The following DYNLL2 variants were observed in gnomAD, a reference collection of about 807,000 sequenced individuals.
DYNLL2 encodes the protein dynein light chain LC8-type 2, also known as dynein light chain 2, cytoplasmic.
DYNLL2 carries 1 observed loss-of-function variant against 9.7 expected under a neutral mutation model. That is an observed-to-expected ratio of 0.10 (90% CI 0.04 to 0.49). The LOEUF is 0.49. Ranked by LOEUF, DYNLL2 falls within the 20% of genes least tolerant of loss-of-function variation. The pLI, the probability that DYNLL2 is intolerant of heterozygous loss-of-function variation, is 0.95. For missense variants in DYNLL2, 37 were observed against 115.2 expected (o/e 0.32, Z 3.11); for synonymous variants, 35 against 40.5 (o/e 0.86, Z 0.52).
At position 58,090,332 on chromosome 17, in the gene DYNLL2, G is replaced by A. The variant is rs1598089304; in HGVS notation, c.*1053G>A. The A allele has an allele frequency of 1.2e-5, 2 of 160,418 alleles. No homozygotes were observed. Among genetic ancestry groups the A allele is most frequent in the East Asian group, 3.5e-4 (2 of 5,730 alleles). The allele number at this position is 160,418 out of a possible 1,614,324, so 9.9% of individuals were successfully genotyped here. ...CTCTAGGGTGTATGGGTAGGTAGGG[G>A]GCACAGTTAGTTCTAAGTGGGCTTT... On this transcript the variant is annotated 3_prime_UTR_variant, in exon 3 of 3. Coordinates refer to ENST00000579991, the MANE Select transcript of DYNLL2 (RefSeq NM_080677.3).
At position 58,091,898 on chromosome 17, in the gene DYNLL2, T is replaced by C. The variant is rs2075781519; in HGVS notation, c.*2619T>C. The C allele has an allele frequency of 6.6e-6, 1 of 152,228 alleles. No homozygotes were observed. Among genetic ancestry groups the C allele is most frequent in the African/African-American group, 2.4e-5 (1 of 41,454 alleles). The allele number at this position is 152,228 out of a possible 1,614,324, so 9.4% of individuals were successfully genotyped here. On this transcript the variant is annotated 3_prime_UTR_variant, in exon 3 of 3. Transcript: ENST00000579991. ...TTTACTCAAAAATATTTAAGAGTTCTTGTATGCTTGGGCCTAGGATGCTGT... is the reference window on the plus strand; with the variant it reads ...TTTACTCAAAAATATTTAAGAGTTCCTGTATGCTTGGGCCTAGGATGCTGT...
chr17:58,090,901 A>G lies in DYNLL2; in HGVS notation c.*1622A>G, dbSNP rs1191774103. 1 of 152,024 alleles carries G rather than the reference A, an allele frequency of 6.6e-6. No homozygotes were observed. The highest frequency in any genetic ancestry group is 6.6e-5 in the Admixed American group (1 of 15,258). The allele number at this position is 152,024 out of a possible 1,614,324, so 9.4% of individuals were successfully genotyped here. On this transcript the variant is annotated 3_prime_UTR_variant, in exon 3 of 3. Coordinates refer to ENST00000579991, the MANE Select transcript of DYNLL2 (RefSeq NM_080677.3). ...CCATTCTTGGGGCTGGTGGGGAGGC[A>G]GGAGAATACCCCTCCCTAAGCCCTT... is the stretch of plus-strand genomic sequence containing the variant.
intron 1 of DYNLL2, among the ~76,000 whole-genome samples, chr17:58,085,136 C>T (rs2075754816): frequency 1.3e-5 from 2 of 152,178 alleles, no homozygotes; most frequent in South Asian, 4.1e-4. Flanking sequence ...TTTTCCTCTC[C>T]AGAATGTGGG....
rs368513542 is a variant in DYNLL2 at position 58,089,303 on chromosome 17, G to A, written c.*24G>A. ...AGGTGGCCATGGTGAAGGTGTCAGT[G>A]GCGGCGGCAGCGATGGCAAGCAGGC... On this transcript the variant is annotated 3_prime_UTR_variant, in exon 3 of 3. Transcript: ENST00000579991. The A allele has an allele frequency of 6.2e-7, 1 of 1,607,580 alleles. No individual in the cohort carries two copies. The highest frequency in any genetic ancestry group is 8.5e-7 in the Non-Finnish European group (1 of 1,176,348).
Position 58,090,196 on chromosome 17 carries a change from A to T in DYNLL2, c.*917A>T. The T allele has an allele frequency of 3.1e-6, 1 of 318,032 alleles. No individual in the cohort carries two copies. 19.7% of individuals were successfully genotyped at this position (318,032 alleles called of 1,614,324 possible). A position where few individuals can be genotyped will look rare whatever the true frequency, so the allele number is the denominator to read the frequency against. ...AGGTCTTAGCAATCAAACCAAATTG[A>T]TGTCTCCCTTGACTCTTCTGTGTAT... On this transcript the variant is annotated 3_prime_UTR_variant, in exon 3 of 3. Coordinates refer to ENST00000579991, the MANE Select transcript of DYNLL2 (RefSeq NM_080677.3).
At chr17:58,089,005 C>A in intron 2 of DYNLL2, 137 bp from the exon 3 acceptor site, 1 of 1,042,888 alleles carries the variant, frequency 9.6e-7, no homozygotes, top group Non-Finnish European at 1.4e-6. Context: ...GTTCGGGGAG[C>A]TGAGGCTGAG....
intron 2 of DYNLL2, among the ~76,000 whole-genome samples, chr17:58,088,869 G>T (rs934126218): frequency 6.6e-6 from 1 of 152,104 alleles, no homozygotes; most frequent in Non-Finnish European, 1.5e-5. Flanking sequence ...TAGCTAGAGG[G>T]AGGAGAGATG....
rs1221024983 is a variant in DYNLL2, at chr17:58,095,260, C to G, written c.*5981C>G. The G allele has an allele frequency of 6.6e-6, 1 of 152,060 alleles. No homozygotes were observed. The highest frequency in any genetic ancestry group is 3.2e-3 in the Middle Eastern group (1 of 316). The allele number at this position is 152,060 out of a possible 1,614,324, so 9.4% of individuals were successfully genotyped here. On this transcript the variant is annotated 3_prime_UTR_variant, in exon 3 of 3. Transcript: ENST00000579991. ...TCTGCCATTCCAGTGTGAGAGCAGCCATAGATAATATGTAAACAAATGAGC... is the reference window on the plus strand; with the variant it reads ...TCTGCCATTCCAGTGTGAGAGCAGCGATAGATAATATGTAAACAAATGAGC...
chr17:58,085,021 T>G (rs760751795), intron 1 of DYNLL2, among the ~76,000 whole-genome samples: 20 of 152,250 alleles, frequency 1.3e-4, no homozygotes, highest in Non-Finnish European at 2.1e-4. Context: ...AAAATGAAGA[T>G]GTTGATTTGC....
chr17:58,093,368 C>A lies in DYNLL2; in HGVS notation c.*4089C>A, dbSNP rs1464543233. ...GATGAAATAGTGTGTTCATAAAGTGCATTTTATTTTTAAAGCATTTCAGTT... is the reference window on the plus strand; with the variant it reads ...GATGAAATAGTGTGTTCATAAAGTGAATTTTATTTTTAAAGCATTTCAGTT... On this transcript the variant is annotated 3_prime_UTR_variant, in exon 3 of 3. Coordinates refer to ENST00000579991, the MANE Select transcript of DYNLL2 (RefSeq NM_080677.3). 6.6e-6 allele frequency: 1 copy of A among 152,166 alleles called. No homozygotes were observed. Among genetic ancestry groups the A allele is most frequent in the Non-Finnish European group, 1.5e-5 (1 of 68,024 alleles). The allele number at this position is 152,166 out of a possible 1,614,324, so 9.4% of individuals were successfully genotyped here. A position where few individuals can be genotyped will look rare whatever the true frequency, so the allele number is the denominator to read the frequency against.
At chr17:58,084,897 T>G (rs1469999925) in intron 1 of DYNLL2, among the ~76,000 whole-genome samples, 2 of 151,976 alleles carry the variant, frequency 1.3e-5, no homozygotes, top group Non-Finnish European at 2.9e-5. Flanking sequence ...CTAGTTTTTC[T>G]TCACTTATAC....
rs1442659695 is a variant in DYNLL2 at position 58,087,443 on chromosome 17, TG to T, written c.132+222del. 3.2e-4 allele frequency among the ~76,000 whole-genome samples: 48 copies of T among 152,260 alleles called. 1 individual carries two copies. In the East Asian group the frequency reaches 8.5e-3, roughly 27 times the overall value. On this transcript the variant is annotated intron_variant, in intron 2 of 2. Coordinates refer to ENST00000579991, the MANE Select transcript of DYNLL2 (RefSeq NM_080677.3). ...TCTGCCAGGTGTGTGTGTGTGTGTG[TG>T]TGTATGTTTACTTTTACAGGTAATT...
intron 1 of DYNLL2, 135 bp downstream of exon 1, chr17:58,083,818 C>G (rs909492008): frequency 6.6e-6 from 1 of 151,844 alleles, no homozygotes; most frequent in Non-Finnish European, 1.5e-5. Flanking sequence ...GGGCTGGCCC[C>G]GCAGCCCTTG....
rs762025974 is a variant in DYNLL2, at chr17:58,087,153, C to T, written c.63C>T (p.Ala21=). 78 of 1,614,056 alleles carry T rather than the reference C, an allele frequency of 4.8e-5. No individual in the cohort carries two copies. Among genetic ancestry groups the T allele is most frequent in the African/African-American group, 9.3e-5 (7 of 74,914 alleles). ...ADMSEDMQQD[A]VDCATQAMEK... ...TGTCTGAGGACATGCAACAGGATGC[C>T]GTTGACTGCGCCACGCAGGCCATGG... The change falls in exon 2 of 3, where the codon GCC becomes GCT. Residue 21 remains alanine, a synonymous_variant. Transcript: ENST00000579991.
Position 58,090,253 on chromosome 17 carries a change from T to G in DYNLL2, c.*974T>G. 1 of 201,540 alleles carries G rather than the reference T, an allele frequency of 5.0e-6. No individual in the cohort carries two copies. 12.5% of individuals were successfully genotyped at this position (201,540 alleles called of 1,614,324 possible). On this transcript the variant is annotated 3_prime_UTR_variant, in exon 3 of 3. Transcript: ENST00000579991. ...GAATATGTGTGTATATGTGTGTGTA[T>G]GTGTGTGTGGGGTTTGGGGTAGAAG...
intron 2 of DYNLL2, among the ~76,000 whole-genome samples, chr17:58,087,649 A>G (rs1269714904): frequency 6.6e-6 from 1 of 152,222 alleles, no homozygotes; most frequent in African/African-American, 2.4e-5. Context: ...AATCCTCATC[A>G]TGTAGGAGGT....
At chr17:58,084,023 G>T (rs948624696) in intron 1 of DYNLL2, among the ~76,000 whole-genome samples, 1 of 152,024 alleles carries the variant, frequency 6.6e-6, no homozygotes, top group Admixed American at 6.5e-5. Flanking sequence ...CGGGGAAGAG[G>T]GGGTGGAGAG....
rs2075789849 is a variant in DYNLL2 at position 58,094,152 on chromosome 17, A to G, written c.*4873A>G. 1 of 152,202 alleles carries G rather than the reference A, an allele frequency of 6.6e-6. No individual in the cohort carries two copies. Among genetic ancestry groups the G allele is most frequent in the Non-Finnish European group, 1.5e-5 (1 of 68,032 alleles). The allele number at this position is 152,202 out of a possible 1,614,324, so 9.4% of individuals were successfully genotyped here. A position where few individuals can be genotyped will look rare whatever the true frequency, so the allele number is the denominator to read the frequency against. On this transcript the variant is annotated 3_prime_UTR_variant, in exon 3 of 3. Coordinates refer to ENST00000579991, the MANE Select transcript of DYNLL2 (RefSeq NM_080677.3). ...AACAGTGTGGTAGTGTAGGCAGAAC[A>G]AGATCTAGAATCAGAAGACCTGGAG...
rs1567768091 is a variant in DYNLL2 at position 58,093,971 on chromosome 17, A to C, written c.*4692A>C. ...CTACCCACAGACTGCTACTGTGCCA[A>C]TATAGAGGTTCATAAGAAAGATAAA... On this transcript the variant is annotated 3_prime_UTR_variant, in exon 3 of 3. Transcript: ENST00000579991. 6.6e-6 allele frequency: 1 copy of C among 152,190 alleles called. No homozygotes were observed. Among genetic ancestry groups the C allele is most frequent in the Non-Finnish European group, 1.5e-5 (1 of 68,046 alleles). 9.4% of individuals were successfully genotyped at this position (152,190 alleles called of 1,614,324 possible).
Sources: gnomAD v4.1 joint callset for allele counts (sites outside exome capture counted in the v4.1 genomes callset) on GRCh38, gnomAD v4.1.1 for gene constraint, MANE v1.5 for transcripts, NCBI Gene and HGNC (gene_info 2026-07-23, HGNC 2026-07-21) for gene names.